The following CD247 variants were observed in gnomAD, a reference collection of about 807,000 sequenced individuals.
CD247 encodes CD247 molecule, also known as T-cell surface glycoprotein CD3 zeta chain.
CD247 carries 13 observed loss-of-function variants against 30.0 expected under a neutral mutation model. That is an observed-to-expected ratio of 0.43 (90% confidence interval 0.28 to 0.69). CD247 has a LOEUF of 0.69. Ranked by LOEUF, CD247 falls within the 30% of genes least tolerant of loss-of-function variation. The pLI is 0.16. For missense variants in CD247, 193 were observed against 212.6 expected (o/e 0.91, Z 0.57); for synonymous variants, 72 against 80.0 (o/e 0.90, Z 0.53).
chr1:167,469,209 C>CT (rs1179537439), intron 1 of CD247, among the ~76,000 whole-genome samples: 1 of 152,184 alleles, frequency 6.6e-6, no homozygotes, highest in African/African-American at 2.4e-5. Context: ...TCTTGAACTC[C>CT]TGACCTCAAG....
chr1:167,450,644 G>T (rs1228052041), intron 1 of CD247, among the ~76,000 whole-genome samples: 1 of 152,214 alleles, frequency 6.6e-6, no homozygotes, highest in African/African-American at 2.4e-5. Context: ...CATACTGGGA[G>T]CAGTGGCTCA....
intron 1 of CD247, among the ~76,000 whole-genome samples, chr1:167,504,533 T>C (rs1008187690): frequency 3.9e-5 from 6 of 152,204 alleles, no homozygotes; most frequent in African/African-American, 1.4e-4. Context: ...CTCTCATTGG[T>C]TTTAGTCTTC....
intron 1 of CD247, among the ~76,000 whole-genome samples, chr1:167,454,672 A>ATTG (rs1293587064): frequency 6.6e-6 from 1 of 151,754 alleles, no homozygotes; most frequent in Non-Finnish European, 1.5e-5. Context: ...CACTATTGTT[A>ATTG]TTATCCAGTG....
rs148563414 is a variant in CD247, at chr1:167,494,413, C to T, written c.58+23995G>A. On this transcript the variant is annotated intron_variant, in intron 1 of 7. Transcript: ENST00000362089. The surrounding 1 kb of genome is among the most constrained non-coding windows in gnomAD (Gnocchi z 7.3). ...TTGGATTTGGGGTCAATAAACATAG[C>T]GGCTCCACTACACTAGTGTGAGGAG... Among the ~76,000 whole-genome samples the T allele has an allele frequency of 1.2e-4, 18 of 152,260 alleles. No homozygotes were observed. Among genetic ancestry groups the T allele is most frequent in the Middle Eastern group, 3.4e-3 (1 of 294 alleles).
intron 1 of CD247, among the ~76,000 whole-genome samples, chr1:167,510,156 C>T (rs1188414197): frequency 6.6e-6 from 1 of 152,184 alleles, no homozygotes; most frequent in Non-Finnish European, 1.5e-5. Flanking sequence ...TGCCACCAAA[C>T]TCCTCCTAAA....
intron 1 of CD247, among the ~76,000 whole-genome samples, chr1:167,466,293 TG>T (rs1294785071): frequency 2.6e-5 from 4 of 152,230 alleles, no homozygotes; most frequent in Non-Finnish European, 2.9e-5. Context: ...CACAGTTTTC[TG>T]ACTATTTGCC....
rs567714782 is a variant in CD247, at chr1:167,508,392, C to T, written c.58+10016G>A. ...AAGTTTTTAAAGGGGATTTCACAGG[C>T]CAGGTCAGCAGGGAGATGGATGGGT... is the stretch of plus-strand genomic sequence containing the variant. On this transcript the variant is annotated intron_variant, in intron 1 of 7. Coordinates refer to ENST00000362089, the MANE Select transcript of CD247 (RefSeq NM_198053.3). Among the ~76,000 whole-genome samples, 4 of 152,260 alleles carry T rather than the reference C, an allele frequency of 2.6e-5. No individual in the cohort carries two copies. The East Asian group carries it at 7.7e-4, about 29-fold the overall frequency.
At chr1:167,462,457 A>C (rs1653064041) in intron 1 of CD247, among the ~76,000 whole-genome samples, 1 of 152,238 alleles carries the variant, frequency 6.6e-6, no homozygotes. Flanking sequence ...CACAGAAGTC[A>C]CAACCCAGGT....
In CD247 at chr1:167,512,506, A is replaced by T. The variant is rs114536733; in HGVS notation, c.58+5902T>A. On this transcript the variant is annotated intron_variant, in intron 1 of 7. Coordinates refer to ENST00000362089, the MANE Select transcript of CD247 (RefSeq NM_198053.3). ...GCTAAAAGGGATGTTCAATCCTCTCATAATTTATCTCACAGATGCTAAAAC... is the reference window on the plus strand; with the variant it reads ...GCTAAAAGGGATGTTCAATCCTCTCTTAATTTATCTCACAGATGCTAAAAC... Among the ~76,000 whole-genome samples, 940 of 152,354 alleles carry T rather than the reference A, an allele frequency of 6.2e-3. 3 individuals carry two copies. The highest frequency in any genetic ancestry group is 9.0e-3 in the Non-Finnish European group (610 of 68,028).
At chr1:167,432,944 G>A in intron 7 of CD247, 80 bp downstream of exon 7, 1 of 1,501,074 alleles carries the variant, frequency 6.7e-7, no homozygotes, top group Non-Finnish European at 9.3e-7. Context: ...GGTGCCACCA[G>A]CAGGCAAAAT....
At chr1:167,442,110 C>CA (rs928035184) in intron 1 of CD247, among the ~76,000 whole-genome samples, 23 of 151,544 alleles carry the variant, frequency 1.5e-4, no homozygotes, top group African/African-American at 4.4e-4. Context: ...GGCTCCGTCT[C>CA]AAAAAAAAAT....
chr1:167,511,496 G>A (rs1349037486), intron 1 of CD247, among the ~76,000 whole-genome samples: 1 of 152,180 alleles, frequency 6.6e-6, no homozygotes, highest in Non-Finnish European at 1.5e-5. Context: ...CAGCTTTGGA[G>A]AAAATGTAAG....
intron 1 of CD247, among the ~76,000 whole-genome samples, chr1:167,500,192 G>A (rs1259903590): frequency 1.3e-5 from 2 of 152,112 alleles, no homozygotes; most frequent in African/African-American, 2.4e-5. Context: ...ACAATATATC[G>A]CACTAAAATG....
At chr1:167,440,809 C>T (rs763514998) in intron 1 of CD247, 42 bp from the exon 2 acceptor site, 18 of 1,298,206 alleles carry the variant, frequency 1.4e-5, no homozygotes, top group East Asian at 9.2e-5. Flanking sequence ...CCCAAGGTGA[C>T]GAGAACACAT....
At chr1:167,479,005 T>C (rs989208497) in intron 1 of CD247, among the ~76,000 whole-genome samples, 3 of 152,258 alleles carry the variant, frequency 2.0e-5, no homozygotes, top group African/African-American at 7.2e-5. Context: ...TATTACTTCA[T>C]AATGGAAAAA....
chr1:167,446,325 C>T (rs1031741354), intron 1 of CD247, among the ~76,000 whole-genome samples: 5 of 152,164 alleles, frequency 3.3e-5, no homozygotes, highest in African/African-American at 1.2e-4. Context: ...TCCTCACCCG[C>T]ACATCACAGG....
intron 4 of CD247, among the ~76,000 whole-genome samples, chr1:167,438,189 C>T (rs2140762): frequency 0.047 from 7,181 of 152,262 alleles, 422 homozygotes; most frequent in East Asian, 0.13. Flanking sequence ...GACCATACCC[C>T]GACCATATGT....
chr1:167,484,657 G>C (rs1457489283), intron 1 of CD247, among the ~76,000 whole-genome samples: 1 of 152,206 alleles, frequency 6.6e-6, no homozygotes, highest in Non-Finnish European at 1.5e-5. Context: ...CGTGCCTGTA[G>C]TCCCAGCTAC....
intron 1 of CD247, among the ~76,000 whole-genome samples, chr1:167,508,160 T>C (rs1023292123): frequency 7.9e-5 from 12 of 152,230 alleles, no homozygotes; most frequent in Non-Finnish European, 1.5e-4. Context: ...AGCCCATTTC[T>C]GGTTTCCAAG....
Sources: allele counts gnomAD v4.1 joint callset (sites outside exome capture counted in the v4.1 genomes callset), GRCh38; gene constraint gnomAD v4.1.1; non-coding constraint Gnocchi (gnomAD v3.1); transcripts MANE v1.5; gene names NCBI Gene and HGNC (gene_info 2026-07-23, HGNC 2026-07-21).